Variants in SDK2 observed in about 807,000 individuals in gnomAD.
The protein encoded by SDK2 is protein sidekick-2.
A neutral mutation model predicts 253.9 loss-of-function variants in SDK2; 105 were observed. That is an observed-to-expected ratio of 0.41 (90% CI 0.35 to 0.49). The LOEUF is 0.49. Ranked by LOEUF, SDK2 falls within the 20% of genes least tolerant of loss-of-function variation. SDK2 has a pLI of 0.06. For missense variants in SDK2, 2,608 were observed against 3,003.0 expected (o/e 0.87, Z 3.07); for synonymous variants, 1,249 against 1,234.9 (o/e 1.01, Z -0.24).
chr17:73,373,076 T>C (rs1255411023), intron 36 of SDK2, among the ~76,000 whole-genome samples: 5 of 152,208 alleles, frequency 3.3e-5, no homozygotes, highest in South Asian at 2.1e-4. Context: ...TCTGTTCCTA[T>C]GAGTTTGATT....
Position 73,455,871 on chromosome 17 carries a change from C to CACCCCA in SDK2, c.479+34_479+35insTGGGGT. The CACCCCA allele has an allele frequency of 2.6e-6, 4 of 1,514,204 alleles. No individual in the cohort carries two copies. Among genetic ancestry groups the CACCCCA allele is most frequent in the Non-Finnish European group, 3.5e-6 (4 of 1,131,588 alleles). 93.8% of individuals were successfully genotyped at this position (1,514,204 alleles called of 1,614,324 possible). A position where few individuals can be genotyped will look rare whatever the true frequency, so the allele number is the denominator to read the frequency against. ...CCCAAACCTCCTCCCCCAGACACCC[C>CACCCCA]TCCCCTCCCCGTCCCCTCAGAGCGA... On this transcript the variant is annotated intron_variant, in intron 4 of 44. Transcript: ENST00000392650. This position sits in a 1 kb window ranked among gnomAD's most constrained non-coding sequence, Gnocchi z 5.0.
intron 17 of SDK2, among the ~76,000 whole-genome samples, chr17:73,415,528 G>T (rs982857386): frequency 6.6e-6 from 1 of 151,808 alleles, no homozygotes; most frequent in Non-Finnish European, 1.5e-5. Context: ...TTCATTTTTT[G>T]TAGAGACAGG....
Position 73,613,430 on chromosome 17 carries a change from G to C in SDK2, c.64+30595C>G, listed in dbSNP as rs576648879. On this transcript the variant is annotated intron_variant, in intron 1 of 44. Coordinates refer to ENST00000392650, the MANE Select transcript of SDK2 (RefSeq NM_001144952.2). ...TGGTTCCAGGCTGGCGGAATTAGCCGTGAAGCCAGCAGGACAGGCACCGTA... is the reference window on the plus strand; with the variant it reads ...TGGTTCCAGGCTGGCGGAATTAGCCCTGAAGCCAGCAGGACAGGCACCGTA... 2.5e-4 allele frequency among the ~76,000 whole-genome samples: 37 copies of C among 150,238 alleles called. No individual in the cohort carries two copies. In the East Asian group the frequency reaches 6.8e-3, roughly 28 times the overall value.
At chr17:73,523,970 C>T (rs867728544) in intron 1 of SDK2, among the ~76,000 whole-genome samples, 1 of 152,188 alleles carries the variant, frequency 6.6e-6, no homozygotes, top group African/African-American at 2.4e-5. Flanking sequence ...GTGTCTTCCA[C>T]AGAATAGGAC....
At chr17:73,586,607 T>C (rs951188234) in intron 1 of SDK2, among the ~76,000 whole-genome samples, 2 of 143,392 alleles carry the variant, frequency 1.4e-5, no homozygotes, top group East Asian at 2.0e-4. Flanking sequence ...CTGCAGGGGG[T>C]GGGTGGGTGG....
At chr17:73,567,350 T>G (rs2045326865) in intron 1 of SDK2, among the ~76,000 whole-genome samples, 1 of 152,268 alleles carries the variant, frequency 6.6e-6, no homozygotes, top group Non-Finnish European at 1.5e-5. Context: ...CCTCCTAGAT[T>G]TCAGAAGATG....
In SDK2 at chr17:73,379,460, C is replaced by T. The variant is rs772124255; in HGVS notation, c.4852G>A (p.Val1618Ile). 235 of 1,607,376 alleles carry T rather than the reference C, an allele frequency of 1.5e-4. 1 individual carries two copies. In the Middle Eastern group the frequency reaches 6.0e-3, roughly 41 times the overall value. Residue 1618 changes from valine (V) to isoleucine (I), a missense_variant, in exon 35 of 45, where the codon GTT (valine) becomes ATT (isoleucine). Val to Ile is a conservative substitution (Grantham distance 29). Transcript: ENST00000392650. This position sits in a 1 kb window ranked among gnomAD's most constrained non-coding sequence, Gnocchi z 4.5. ...GPSSPPQEVFVGEAVPTAAPR... is the reference protein window; with the variant it reads ...GPSSPPQEVFIGEAVPTAAPR... Reference sequence around the variant, plus strand: ...GGGCGCTGCTCACCTGCCTCCCCAACAAAGACCTCCTGCGGGGGGCTGGAG... The same window carrying T: ...GGGCGCTGCTCACCTGCCTCCCCAATAAAGACCTCCTGCGGGGGGCTGGAG...
Position 73,419,204 on chromosome 17 carries a change from C to A in SDK2, c.2148G>T (p.Glu716Asp). ...CCTTGAGAATTCCATTCTGGTGGCTCTCAGGAGGCGGCTGCCACTGGATCA... is the reference window on the plus strand; with the variant it reads ...CCTTGAGAATTCCATTCTGGTGGCTATCAGGAGGCGGCTGCCACTGGATCA... The part of the protein sequence containing the change: ...SIMIQWQPPP[E>D]SHQNGILKGY... The change falls in exon 16 of 45, where the codon GAG becomes GAT. Residue 716 changes from glutamate (E) to aspartate (D), a missense_variant. Physicochemically the swap from Glu to Asp is conservative, Grantham distance 45. Transcript: ENST00000392650. 1 of 1,612,336 alleles carries A rather than the reference C, an allele frequency of 6.2e-7. No homozygotes were observed. The highest frequency in any genetic ancestry group is 8.5e-7 in the Non-Finnish European group (1 of 1,179,432).
intron 44 of SDK2, among the ~76,000 whole-genome samples, chr17:73,345,014 G>A (rs1030606543): frequency 9.2e-5 from 14 of 152,142 alleles, no homozygotes; most frequent in Non-Finnish European, 1.6e-4. Context: ...CCTCTGCATC[G>A]CAGGAAAGAA....
intron 37 of SDK2, among the ~76,000 whole-genome samples, chr17:73,367,862 C>T (rs893036217): frequency 6.6e-6 from 1 of 152,148 alleles, no homozygotes; most frequent in Non-Finnish European, 1.5e-5. Context: ...GTGGGTGAGC[C>T]TATCCAGAGC....
At chr17:73,480,534 A>C (rs887366346) in intron 2 of SDK2, among the ~76,000 whole-genome samples, 4 of 152,096 alleles carry the variant, frequency 2.6e-5, no homozygotes, top group Non-Finnish European at 5.9e-5. Context: ...AGGCAAACAG[A>C]GCTCACCTGT....
intron 1 of SDK2, among the ~76,000 whole-genome samples, chr17:73,591,458 C>T (rs2045680675): frequency 6.6e-6 from 1 of 152,150 alleles, no homozygotes; most frequent in South Asian, 2.1e-4. Flanking sequence ...AGTGGGGTTG[C>T]CAGATTTAGC....
At chr17:73,564,061 G>A (rs778316280) in intron 1 of SDK2, among the ~76,000 whole-genome samples, 1 of 152,138 alleles carries the variant, frequency 6.6e-6, no homozygotes, top group African/African-American at 2.4e-5. Context: ...GGTATGAGCC[G>A]CTGTGCCCAG....
In SDK2 at chr17:73,643,739, G is replaced by C. The variant is rs922182115; in HGVS notation, c.64+286C>G. 6.6e-6 allele frequency among the ~76,000 whole-genome samples: 1 copy of C among 152,076 alleles called. No homozygotes were observed. The highest frequency in any genetic ancestry group is 2.4e-5 in the African/African-American group (1 of 41,458). ...CGGCGCAGGGCAGCCACAGCAGACG[G>C]GGGGAGGGGAGCGCCCCTCCCACTT... On this transcript the variant is annotated intron_variant, in intron 1 of 44. Coordinates refer to ENST00000392650, the MANE Select transcript of SDK2 (RefSeq NM_001144952.2). This position sits in a 1 kb window ranked among gnomAD's most constrained non-coding sequence, Gnocchi z 6.9.
At chr17:73,393,831 G>A (rs1444850751) in intron 26 of SDK2, 82 bp from the exon 27 acceptor site, 9 of 1,150,294 alleles carry the variant, frequency 7.8e-6, no homozygotes, top group Non-Finnish European at 9.5e-6. Context: ...TCCCCAGGAT[G>A]AGCAGCTGTG....
At position 73,394,268 on chromosome 17, in the gene SDK2, G is replaced by A; in HGVS notation, c.3649C>T (p.Leu1217=). 6.2e-7 allele frequency: 1 copy of A among 1,603,018 alleles called. No individual in the cohort carries two copies. The highest frequency in any genetic ancestry group is 8.5e-7 in the Non-Finnish European group (1 of 1,172,754). ...TCGGGGACCTCGCTCCAGCGCACCA[G>A]CATGCTGCTGGAGGTGGTGGCCAGT... The part of the protein sequence containing the change: ...SALATTSSSM[L]VRWSEVPEAD... Residue 1217 remains leucine (L), a synonymous_variant, in exon 26 of 45, where the codon CTG becomes TTG. Coordinates refer to ENST00000392650, the MANE Select transcript of SDK2 (RefSeq NM_001144952.2).
chr17:73,338,742 G>GGGTGCT lies in SDK2; in HGVS notation c.6358_6363dup (p.Ser2120_Thr2121dup), dbSNP rs1194118419. The GGGTGCT allele has an allele frequency of 4.3e-6, 7 of 1,613,676 alleles. No homozygotes were observed. Among genetic ancestry groups the GGGTGCT allele is most frequent in the Non-Finnish European group, 5.9e-6 (7 of 1,179,776 alleles). On this transcript the variant is annotated inframe_insertion, in exon 45 of 45. Transcript: ENST00000392650. The surrounding 1 kb of genome is among the most constrained non-coding windows in gnomAD (Gnocchi z 5.0). Reference sequence around the variant, plus strand: ...TTGGGCCGAAAGAGGCTGCCCTGCTGGGTGCTGGTGCTGTTGGTGACGGTG... The same window carrying GGGTGCT: ...TTGGGCCGAAAGAGGCTGCCCTGCTGGGTGCTGGTGCTGGTGCTGTTGGTGACGGTG...
chr17:73,632,442 C>T (rs1012055176), intron 1 of SDK2, among the ~76,000 whole-genome samples: 3 of 152,210 alleles, frequency 2.0e-5, no homozygotes, highest in Admixed American at 6.5e-5. Flanking sequence ...CTTCAGCTTT[C>T]GAACTCTCAG....
chr17:73,627,760 C>T (rs1379173078), intron 1 of SDK2, among the ~76,000 whole-genome samples: 1 of 152,146 alleles, frequency 6.6e-6, no homozygotes, highest in African/African-American at 2.4e-5. Context: ...GTTTAAAACC[C>T]ACATTTGGCC....
Sources: gnomAD v4.1 joint callset for allele counts (sites outside exome capture counted in the v4.1 genomes callset) on GRCh38, gnomAD v4.1.1 for gene constraint, Gnocchi (gnomAD v3.1) non-coding constraint, MANE v1.5 for transcripts, NCBI Gene and HGNC (gene_info 2026-07-23, HGNC 2026-07-21) for gene names.